Variants in POLG observed in about 807,000 individuals in gnomAD.
POLG encodes DNA polymerase gamma, catalytic subunit, also known as DNA polymerase subunit gamma-1.
POLG carries 110 observed loss-of-function variants against 155.4 expected under a neutral mutation model. The observed-to-expected ratio is 0.71, with a 90% CI of 0.61 to 0.83. The LOEUF (loss-of-function observed/expected upper bound fraction) is 0.83, where lower values mean the gene tolerates loss of function less well. POLG is among the 40% of genes least tolerant of loss of function. The pLI is 0.00. For synonymous variants in POLG, 701 were observed against 631.5 expected (o/e 1.11, Z -1.65); for missense variants, 1,685 against 1,627.5 (o/e 1.04, Z -0.61).
Position 89,333,800 on chromosome 15 carries a change from T to TGGGCTCCAGCTTGGCTTC in POLG, c.-64_-47dup. On this transcript the variant is annotated 5_prime_UTR_variant, in exon 2 of 23. Transcript: ENST00000268124. Reference sequence around the variant, plus strand: ...CGCTGGGAGTCAGAACACCTGGCTTTGGGCTCCAGCTTGGCTTCTTTTACT... The same window carrying TGGGCTCCAGCTTGGCTTC: ...CGCTGGGAGTCAGAACACCTGGCTTTGGGCTCCAGCTTGGCTTCGGGCTCCAGCTTGGCTTCTTTTACT... The TGGGCTCCAGCTTGGCTTC allele has an allele frequency of 6.5e-7, 1 of 1,533,870 alleles. No individual in the cohort carries two copies. Among genetic ancestry groups the TGGGCTCCAGCTTGGCTTC allele is most frequent in the Non-Finnish European group, 8.7e-7 (1 of 1,145,502 alleles).
chr15:89,325,171 A>AGAGTGAGAGAGTGAGTGAGTGAGAGAGT (rs1567189684), intron 10 of POLG, among the ~76,000 whole-genome samples: 1 of 58,604 alleles, frequency 1.7e-5, no homozygotes, highest in East Asian at 6.0e-4. Flanking sequence ...AGTGAGTGAG[A>AGAGTGAGAGAGTGAGTGAGTGAGAGAGT]GAGTGAGAGA....
intron 10 of POLG, among the ~76,000 whole-genome samples, chr15:89,324,686 C>T (rs923258156): frequency 1.3e-5 from 2 of 152,246 alleles, no homozygotes; most frequent in African/African-American, 2.4e-5. Flanking sequence ...AGTTTCTCCC[C>T]AACACCTGCC....
chr15:89,326,710 C>T lies in POLG; in HGVS notation c.1614G>A (p.Glu538=), dbSNP rs2055523627. 6.2e-7 allele frequency: 1 copy of T among 1,613,868 alleles called. No homozygotes were observed. Residue 538 remains glutamate (E), a synonymous_variant, in exon 9 of 23, where the codon GAG becomes GAA. Transcript: ENST00000268124. ...EDLGPCSEEE[E]FQQDVMARAC... ...CGCGGGCCATGACATCTTGTTGAAACTCCTCCTCCTCACTGCAGGGGCCGA... is the reference window on the plus strand; with the variant it reads ...CGCGGGCCATGACATCTTGTTGAAATTCCTCCTCCTCACTGCAGGGGCCGA...
In POLG at chr15:89,319,352, T is replaced by C; in HGVS notation, c.2982-2A>G. The stretch of plus-strand genomic sequence containing the variant: ...TCGCCCTCATCCGACAGCCGATACC[T>C]GGGGGCAGTGTTATCACCATCATTC... On this transcript the variant is annotated splice_acceptor_variant, in intron 18 of 22. Transcript: ENST00000268124. LOFTEE classifies it high-confidence loss of function. 1 of 1,613,818 alleles carries C rather than the reference T, an allele frequency of 6.2e-7. No individual in the cohort carries two copies. Among genetic ancestry groups the C allele is most frequent in the Non-Finnish European group, 8.5e-7 (1 of 1,180,002 alleles).
At position 89,326,256 on chromosome 15, in the gene POLG, G is replaced by A. The variant is rs1019969476; in HGVS notation, c.1712+356C>T. On this transcript the variant is annotated intron_variant, in intron 9 of 22. Transcript: ENST00000268124. ...AGGAAGCCTTCTTGATTTATTTCCC[G>A]AGGCAGAGTCAGAACTCTACCTATG... Among the ~76,000 whole-genome samples the A allele has an allele frequency of 7.2e-5, 11 of 152,214 alleles. No individual in the cohort carries two copies. In the East Asian group the frequency reaches 1.3e-3, roughly 19 times the overall value.
In POLG at chr15:89,328,545, G is replaced by A. The variant is rs1228287579; in HGVS notation, c.1171-10C>T. On this transcript the variant is annotated splice_polypyrimidine_tract_variant and intron_variant, in intron 5 of 22. Transcript: ENST00000268124. ...AGTACTGCATCAGGTCCTGGCACAA[G>A]GTGACAGGAAGGCGCAAGGTGGGCA... 1 of 1,613,004 alleles carries A rather than the reference G, an allele frequency of 6.2e-7. No individual in the cohort carries two copies. The highest frequency in any genetic ancestry group is 1.1e-5 in the South Asian group (1 of 91,066).
In POLG at chr15:89,325,119, T is replaced by A. The variant is rs62022591; in HGVS notation, c.1949+331A>T. 7.9e-3 allele frequency among the ~76,000 whole-genome samples: 282 copies of A among 35,814 alleles called. 6 individuals carry two copies. Among genetic ancestry groups the A allele is most frequent in the African/African-American group, 0.017 (116 of 6,808 alleles). 23.5% of individuals were successfully genotyped at this position (35,814 alleles called of 152,430 possible). A position where few individuals can be genotyped will look rare whatever the true frequency, so the allele number is the denominator to read the frequency against. ...GAGTGAGAGAGTGAGAGAGAGTGAG[T>A]GAGTGAGTGAGAGAGTGAGTGAGAG... On this transcript the variant is annotated intron_variant, in intron 10 of 22. Coordinates refer to ENST00000268124, the MANE Select transcript of POLG (RefSeq NM_002693.3).
chr15:89,316,327 T>TC lies in POLG; in HGVS notation c.*423dup. The TC allele has an allele frequency of 1.4e-6, 2 of 1,470,396 alleles. No individual in the cohort carries two copies. The highest frequency in any genetic ancestry group is 1.9e-6 in the Non-Finnish European group (2 of 1,069,910). The allele number at this position is 1,470,396 out of a possible 1,614,324, so 91.1% of individuals were successfully genotyped here. A position where few individuals can be genotyped will look rare whatever the true frequency, so the allele number is the denominator to read the frequency against. On this transcript the variant is annotated 3_prime_UTR_variant, in exon 23 of 23. Coordinates refer to ENST00000268124, the MANE Select transcript of POLG (RefSeq NM_002693.3). The stretch of plus-strand genomic sequence containing the variant: ...TGATGAGAAGATAGAGTCTTTTTTT[T>TC]CCTTCTTTTTATTTCCACTGCCTTG...
chr15:89,319,448 A>G, intron 18 of POLG, 98 bp from the exon 19 acceptor site: 1 of 1,508,332 alleles, frequency 6.6e-7, no homozygotes, highest in Non-Finnish European at 9.1e-7. Flanking sequence ...AACTTTTAAA[A>G]ACACTGACAT....
At position 89,321,118 on chromosome 15, in the gene POLG, T is replaced by G. The variant is rs780023979; in HGVS notation, c.2734+7A>C. On this transcript the variant is annotated splice_region_variant and intron_variant, in intron 17 of 22. Transcript: ENST00000268124. ...GCTGGGCTGCCCCAACCCCGGCTCC[T>G]GCTCACCATGCATGCCGGCAAAGTG... 5 of 1,614,246 alleles carry G rather than the reference T, an allele frequency of 3.1e-6. No homozygotes were observed. The South Asian group carries it at 5.5e-5, about 18-fold the overall frequency.
chr15:89,327,216 ACTT>A lies in POLG; in HGVS notation c.1381_1383del (p.Lys461del). 2 of 1,614,070 alleles carry A rather than the reference ACTT, an allele frequency of 1.2e-6. No homozygotes were observed. The highest frequency in any genetic ancestry group is 1.1e-5 in the South Asian group (1 of 91,072). ...GCATCATTGGCCAGATCCATCAACG[ACTT>A]CTTCATCTCCCGCTGGAGCTCCTCA... On this transcript the variant is annotated inframe_deletion, in exon 7 of 23. Coordinates refer to ENST00000268124, the MANE Select transcript of POLG (RefSeq NM_002693.3).
In POLG at chr15:89,328,340, G is replaced by A. The variant is rs564451055; in HGVS notation, c.1250+116C>T. ...TGAACAGAAGGGCTCCATTCTTTCA[G>A]CCTAGAAAAGCTAAGGTCCCCAACC... On this transcript the variant is annotated intron_variant, in intron 6 of 22. Coordinates refer to ENST00000268124, the MANE Select transcript of POLG (RefSeq NM_002693.3). The A allele has an allele frequency of 3.8e-6, 3 of 790,192 alleles. No homozygotes were observed. In the South Asian group the frequency reaches 4.4e-5, roughly 12 times the overall value. The allele number at this position is 790,192 out of a possible 1,614,324, so 48.9% of individuals were successfully genotyped here. A position where few individuals can be genotyped will look rare whatever the true frequency, so the allele number is the denominator to read the frequency against.
In POLG at chr15:89,329,949, C is replaced by T. The variant is rs116968459; in HGVS notation, c.855+132G>A. 97 of 787,226 alleles carry T rather than the reference C, an allele frequency of 1.2e-4. No individual in the cohort carries two copies. In the East Asian group the frequency reaches 1.9e-3, roughly 15 times the overall value. The allele number at this position is 787,226 out of a possible 1,614,324, so 48.8% of individuals were successfully genotyped here. A position where few individuals can be genotyped will look rare whatever the true frequency, so the allele number is the denominator to read the frequency against. On this transcript the variant is annotated intron_variant, in intron 3 of 22. Coordinates refer to ENST00000268124, the MANE Select transcript of POLG (RefSeq NM_002693.3). ...AGAGACCAGAGGCACAGCTGGTCAA[C>T]AGATGCGCCTTGCGGCTTCAGCAAA... is the stretch of plus-strand genomic sequence containing the variant.
Position 89,325,610 on chromosome 15 carries a change from G to C in POLG, c.1789C>G (p.Arg597Gly), listed in dbSNP as rs139717885. The C allele has an allele frequency of 1.2e-6, 2 of 1,613,526 alleles. No individual in the cohort carries two copies. The highest frequency in any genetic ancestry group is 1.7e-6 in the Non-Finnish European group (2 of 1,180,000). ...PGPSLLSLQM[R>G]VTPKLMALTW... ...AGTGCCATGAGTTTAGGTGTGACCCGCATCTGCAGGCTGAGGAGGCTGGGG... is the reference window on the plus strand; with the variant it reads ...AGTGCCATGAGTTTAGGTGTGACCCCCATCTGCAGGCTGAGGAGGCTGGGG... Residue 597 changes from arginine (R) to glycine (G), a missense_variant, in exon 10 of 23, where the codon CGG becomes GGG. By Grantham distance (125) the Arg-to-Gly change is moderately radical. Coordinates refer to ENST00000268124, the MANE Select transcript of POLG (RefSeq NM_002693.3).
rs768154786 is a variant in POLG at position 89,324,368 on chromosome 15, G to A, written c.1950-141C>T. 32 of 965,814 alleles carry A rather than the reference G, an allele frequency of 3.3e-5. No homozygotes were observed. The Admixed American group carries it at 3.8e-4, about 11-fold the overall frequency. 59.8% of individuals were successfully genotyped at this position (965,814 alleles called of 1,614,324 possible). The stretch of plus-strand genomic sequence containing the variant: ...AGGCAGAACCAGATAGCACTTTCCC[G>A]GGTTTTAGACAGGGATTGATTGACA... On this transcript the variant is annotated intron_variant, in intron 10 of 22. Coordinates refer to ENST00000268124, the MANE Select transcript of POLG (RefSeq NM_002693.3).
Position 89,325,111 on chromosome 15 carries a change from AGAGT to A in POLG, c.1949+335_1949+338del, listed in dbSNP as rs554059036. On this transcript the variant is annotated intron_variant, in intron 10 of 22. Transcript: ENST00000268124. ...GAGTGAGTGAGTGAGAGAGTGAGAG[AGAGT>A]GAGTGAGTGAGTGAGAGAGTGAGTG... Among the ~76,000 whole-genome samples, 1,153 of 36,776 alleles carry A rather than the reference AGAGT, an allele frequency of 0.031. 164 individuals are homozygous for A. The highest frequency in any genetic ancestry group is 0.08 in the East Asian group (120 of 1,500). 24.1% of individuals were successfully genotyped at this position (36,776 alleles called of 152,430 possible).
rs756879546 is a variant in POLG, at chr15:89,318,610, C to T, written c.3413G>A (p.Arg1138His). 5.6e-6 allele frequency: 9 copies of T among 1,614,076 alleles called. No homozygotes were observed. Among genetic ancestry groups the T allele is most frequent in the East Asian group, 2.2e-5 (1 of 44,894 alleles). Residue 1138 changes from arginine (R) to histidine (H), a missense_variant, in exon 21 of 23, where the codon CGC becomes CAC. Physicochemically the swap from Arg to His is conservative, Grantham distance 29 (BLOSUM62 0). This residue lies in a region of POLG where 470 missense variants were observed against 439.9 expected (regional missense o/e 1.07). Transcript: ENST00000268124. ...GCGGTCCTCCTCCCGCACCAGGTAG[C>T]GAACCTCGTCATGGATGCTGATGCA... ...RFCISIHDEV[R>H]YLVREEDRYR...
chr15:89,328,674 C>T lies in POLG; in HGVS notation c.1170+11G>A. The T allele has an allele frequency of 6.2e-7, 1 of 1,614,056 alleles. No individual in the cohort carries two copies. Among genetic ancestry groups the T allele is most frequent in the Non-Finnish European group, 8.5e-7 (1 of 1,180,018 alleles). ...CAGCCCATGTCCCCAGAGCCCCCTC[C>T]AGCACCATACCTGGAAGTTCTCACG... On this transcript the variant is annotated intron_variant, in intron 5 of 22. Transcript: ENST00000268124.
rs62640038 is a variant in POLG at position 89,317,527 on chromosome 15, A to G, written c.3492T>C (p.Phe1164=). Residue 1164 remains phenylalanine (F), a synonymous_variant, in exon 22 of 23, where the codon TTT becomes TTC. Coordinates refer to ENST00000268124, the MANE Select transcript of POLG (RefSeq NM_002693.3). ...AGTCATTCAGACCCAGCTTGTAGGC[A>G]AACATGCACCTGAAAGAGACCCAAT... ...QITNLLTRCM[F]AYKLGLNDLP... 1 of 1,614,060 alleles carries G rather than the reference A, an allele frequency of 6.2e-7. No individual in the cohort carries two copies. The highest frequency in any genetic ancestry group is 8.5e-7 in the Non-Finnish European group (1 of 1,179,892).
Sources: allele counts gnomAD v4.1 joint callset (sites outside exome capture counted in the v4.1 genomes callset), GRCh38; gene constraint gnomAD v4.1.1; regional missense constraint gnomAD v4.1.1; transcripts MANE v1.5; gene names NCBI Gene and HGNC (gene_info 2026-07-23, HGNC 2026-07-21).